C10orf90: variants seen among roughly 807,000 people sequenced by gnomAD.
C10orf90 encodes chromosome 10 open reading frame 90.
A neutral mutation model predicts 62.5 loss-of-function variants in C10orf90; 56 were observed. The observed-to-expected ratio is 0.90, with a 90% CI of 0.72 to 1.12. The LOEUF is 1.12. Among genes scored for constraint, C10orf90 ranks in the 50% most tolerant of loss-of-function variants. C10orf90 has a pLI of 0.00. For missense variants in C10orf90, 970 were observed against 880.4 expected, an observed-to-expected ratio of 1.10 and a Z score of -1.29; for synonymous variants, 386 against 340.4, an observed-to-expected ratio of 1.13 and a Z score of -1.47.
intron 1 of C10orf90, among the ~76,000 whole-genome samples, chr10:126,647,945 G>T (rs1564908491): frequency 6.6e-6 from 1 of 152,154 alleles, no homozygotes; most frequent in East Asian, 1.9e-4. Context: ...TAGCCAATGT[G>T]TTCCAAATGT....
At chr10:126,651,475 C>A (rs927697387) in intron 1 of C10orf90, among the ~76,000 whole-genome samples, 3 of 151,594 alleles carry the variant, frequency 2.0e-5, no homozygotes, top group South Asian at 2.1e-4. Flanking sequence ...TTTTAAAATC[C>A]AAAAAAAATT....
At chr10:126,536,786 C>T (rs1389950941) in intron 2 of C10orf90, among the ~76,000 whole-genome samples, 3 of 152,164 alleles carry the variant, frequency 2.0e-5, no homozygotes, top group Admixed American at 6.5e-5. Flanking sequence ...ATCTCCCAGC[C>T]GGAGACCTGG....
intron 4 of C10orf90, among the ~76,000 whole-genome samples, chr10:126,482,818 T>G (rs1861233444): frequency 6.6e-6 from 1 of 152,178 alleles, no homozygotes; most frequent in Non-Finnish European, 1.5e-5. Flanking sequence ...TTCTCTGAGG[T>G]TAGAAGAGGA....
At chr10:126,637,471 G>A (rs2133838354) in intron 2 of C10orf90, among the ~76,000 whole-genome samples, 1 of 152,364 alleles carries the variant, frequency 6.6e-6, no homozygotes, top group South Asian at 2.1e-4. Flanking sequence ...CCCTGCTCTT[G>A]CGGAGCTTGT....
chr10:126,608,606 G>A (rs1845366246), intron 2 of C10orf90, among the ~76,000 whole-genome samples: 2 of 152,120 alleles, frequency 1.3e-5, no homozygotes, highest in South Asian at 4.2e-4. Flanking sequence ...ACATACCTGA[G>A]TGATGTCTGA....
At chr10:126,515,558 C>T (rs1863394025) in intron 2 of C10orf90, among the ~76,000 whole-genome samples, 1 of 152,192 alleles carries the variant, frequency 6.6e-6, no homozygotes, top group South Asian at 2.1e-4. Context: ...CCATACCATA[C>T]CGCCTAGGTG....
At chr10:126,535,320 A>C (rs1240197063) in intron 2 of C10orf90, among the ~76,000 whole-genome samples, 2 of 152,006 alleles carry the variant, frequency 1.3e-5, no homozygotes, top group African/African-American at 4.8e-5. Flanking sequence ...GATTGAGACC[A>C]TCCTGGCTAA....
intron 2 of C10orf90, among the ~76,000 whole-genome samples, chr10:126,533,788 G>T (rs1446718160): frequency 6.6e-6 from 1 of 152,208 alleles, no homozygotes; most frequent in Non-Finnish European, 1.5e-5. Flanking sequence ...ATTGTTTAAG[G>T]CATCAAATGC....
At chr10:126,611,035 A>G (rs542026174) in intron 2 of C10orf90, among the ~76,000 whole-genome samples, 4 of 152,262 alleles carry the variant, frequency 2.6e-5, no homozygotes, top group Admixed American at 1.3e-4. Flanking sequence ...GTATAAATCA[A>G]TGGTTTTTAA....
intron 7 of C10orf90, among the ~76,000 whole-genome samples, chr10:126,442,677 A>ATG (rs1168373404): frequency 8.7e-6 from 1 of 114,534 alleles, no homozygotes; most frequent in Non-Finnish European, 1.8e-5. Flanking sequence ...ATATATATAT[A>ATG]GAACATTTCA....
At chr10:126,613,111 T>G (rs1845472756) in intron 2 of C10orf90, among the ~76,000 whole-genome samples, 1 of 152,204 alleles carries the variant, frequency 6.6e-6, no homozygotes, top group South Asian at 2.1e-4. Flanking sequence ...TTACAATTTG[T>G]ATATGATATT....
chr10:126,583,192 G>C (rs910499603), intron 2 of C10orf90, among the ~76,000 whole-genome samples: 1 of 152,136 alleles, frequency 6.6e-6, no homozygotes, highest in East Asian at 1.9e-4. Flanking sequence ...GAAACAATAG[G>C]CCACTTTGCC....
chr10:126,538,633 C>T (rs752940524), intron 2 of C10orf90, among the ~76,000 whole-genome samples: 3 of 152,202 alleles, frequency 2.0e-5, no homozygotes, highest in Non-Finnish European at 2.9e-5. Flanking sequence ...TATAACTCCT[C>T]CAGCAAATCC....
At chr10:126,651,360 T>C (rs12258667) in intron 1 of C10orf90, among the ~76,000 whole-genome samples, 42,824 of 152,150 alleles carry the variant, frequency 0.28, 6,549 homozygotes, top group East Asian at 0.38. Context: ...CTATTTATGA[T>C]ATTAATTTAT....
At chr10:126,451,771 T>C (rs1014347755) in intron 7 of C10orf90, among the ~76,000 whole-genome samples, 2 of 151,856 alleles carry the variant, frequency 1.3e-5, no homozygotes, top group Admixed American at 1.3e-4. Flanking sequence ...AATCCTGTCA[T>C]CTGCAACACC....
rs1196569277 is a variant in C10orf90, at chr10:126,649,034, GTCTCTCTC to G, written c.241-2405_241-2398del. Among the ~76,000 whole-genome samples the G allele has an allele frequency of 9.4e-4, 25 of 26,606 alleles. 1 individual carries two copies. The East Asian group carries it at 0.015, about 16-fold the overall frequency. The allele number at this position is 26,606 out of a possible 152,430, so 17.5% of individuals were successfully genotyped here. ...GATATCTCTCTCTCTCTCTGTCTCT[GTCTCTCTC>G]TCTCTCTCTCTCTCTCTCTCTCTCT... On this transcript the variant is annotated intron_variant, in intron 1 of 9. Transcript: ENST00000488181.
intron 2 of C10orf90, among the ~76,000 whole-genome samples, chr10:126,543,045 G>T (rs977025994): frequency 7.9e-5 from 12 of 152,064 alleles, no homozygotes; most frequent in Non-Finnish European, 1.3e-4. Flanking sequence ...ACAATGAATT[G>T]GTCTCTAATT....
intron 4 of C10orf90, among the ~76,000 whole-genome samples, chr10:126,465,695 T>A (rs1287380973): frequency 2.6e-4 from 40 of 152,160 alleles, no homozygotes; most frequent in Admixed American, 2.6e-3. Flanking sequence ...GTACAACATG[T>A]CACTTGTTTC....
intron 5 of C10orf90, among the ~76,000 whole-genome samples, 168 bp from the exon 6 acceptor site, chr10:126,461,753 G>T (rs557106001): frequency 6.6e-6 from 1 of 152,200 alleles, no homozygotes; most frequent in African/African-American, 2.4e-5. Flanking sequence ...GCCCCCGGCC[G>T]CCCTGGTCAC....
Sources: gnomAD v4.1 joint callset for allele counts (sites outside exome capture counted in the v4.1 genomes callset) on GRCh38, gnomAD v4.1.1 for gene constraint, MANE v1.5 for transcripts, NCBI Gene and HGNC (gene_info 2026-07-23, HGNC 2026-07-21) for gene names.